SPTBN4: variants seen among roughly 807,000 people sequenced by gnomAD.
The protein encoded by SPTBN4 is spectrin beta, non-erythrocytic 4, also known as spectrin beta chain, non-erythrocytic 4.
Under a neutral mutation model 277.8 loss-of-function variants are expected in SPTBN4, and 96 were observed. The observed-to-expected ratio is 0.35, with a 90% confidence interval of 0.29 to 0.41. SPTBN4 has a LOEUF of 0.41. SPTBN4 is among the 10% of genes least tolerant of loss of function. SPTBN4 has a pLI of 1.00. For missense variants in SPTBN4, 3,006 were observed against 3,595.7 expected (o/e 0.84, Z 4.19); for synonymous variants, 1,481 against 1,580.3 (o/e 0.94, Z 1.49).
chr19:40,507,634 C>T (rs947772473), intron 13 of SPTBN4, among the ~76,000 whole-genome samples: 5 of 152,152 alleles, frequency 3.3e-5, no homozygotes, highest in African/African-American at 1.2e-4. Flanking sequence ...CACTTGAGGT[C>T]AGGCTTTGGC....
At chr19:40,498,086 A>C (rs2445884) in intron 7 of SPTBN4, among the ~76,000 whole-genome samples, 109,009 of 151,238 alleles carry the variant, frequency 0.72, 41,219 homozygotes, top group African/African-American at 0.92. Context: ...CCATTTCCAA[A>C]CTCATTTCGC....
Position 40,519,274 on chromosome 19 carries a change from G to A in SPTBN4, c.2904-127G>A. ...GTTCCATTTTACACCGGCAGAAACTGGAGAAACTTTCTGAGGTCACACAGT... is the reference window on the plus strand; with the variant it reads ...GTTCCATTTTACACCGGCAGAAACTAGAGAAACTTTCTGAGGTCACACAGT... On this transcript the variant is annotated intron_variant, in intron 15 of 35. Transcript: ENST00000598249. The surrounding 1 kb of genome is among the most constrained non-coding windows in gnomAD (Gnocchi z 5.7). 1.0e-6 allele frequency: 1 copy of A among 980,756 alleles called. No homozygotes were observed. Among genetic ancestry groups the A allele is most frequent in the Non-Finnish European group, 1.4e-6 (1 of 729,516 alleles). 60.8% of individuals were successfully genotyped at this position (980,756 alleles called of 1,614,324 possible).
intron 26 of SPTBN4, among the ~76,000 whole-genome samples, chr19:40,557,746 C>T (rs895036512): frequency 2.6e-5 from 4 of 151,900 alleles, no homozygotes; most frequent in Non-Finnish European, 5.9e-5. Context: ...GGTGAAACCC[C>T]ATCTCTACTA....
chr19:40,559,219 C>T (rs963438855), intron 26 of SPTBN4, among the ~76,000 whole-genome samples: 47 of 152,166 alleles, frequency 3.1e-4, no homozygotes, highest in East Asian at 3.9e-4. Context: ...CATGAGCCAC[C>T]GCGCCCAGCC....
At chr19:40,572,463 G>T (rs2081164247) in intron 35 of SPTBN4, 83 bp downstream of exon 35, 3 of 1,530,014 alleles carry the variant, frequency 2.0e-6, no homozygotes, top group East Asian at 2.3e-5. Context: ...TGATGGGGCT[G>T]TGAGAAGGGA....
At chr19:40,524,074 G>C (rs1264855805) in intron 17 of SPTBN4, among the ~76,000 whole-genome samples, 1 of 152,180 alleles carries the variant, frequency 6.6e-6, no homozygotes, top group African/African-American at 2.4e-5. Flanking sequence ...TTAGCGGCAT[G>C]AGCCACTGCA....
intron 2 of SPTBN4, among the ~76,000 whole-genome samples, chr19:40,478,676 G>A (rs1055093922): frequency 4.6e-5 from 7 of 152,130 alleles, no homozygotes; most frequent in Admixed American, 2.6e-4. Flanking sequence ...CTCCCGAGTA[G>A]TTGGTATTAC....
chr19:40,519,387 T>C lies in SPTBN4; in HGVS notation c.2904-14T>C, dbSNP rs369605517. 7 of 1,534,772 alleles carry C rather than the reference T, an allele frequency of 4.6e-6. No individual in the cohort carries two copies. In the African/African-American group the frequency reaches 8.4e-5, roughly 18 times the overall value. ...TCCCTGTCCTCCTCAAGTCACTCTC[T>C]TTCCCCTGGGCAGGTGGAACCGCAT... On this transcript the variant is annotated splice_polypyrimidine_tract_variant and intron_variant, in intron 15 of 35. Coordinates refer to ENST00000598249, the MANE Select transcript of SPTBN4 (RefSeq NM_020971.3). The surrounding 1 kb of genome is among the most constrained non-coding windows in gnomAD (Gnocchi z 5.7).
rs2081108433 is a variant in SPTBN4 at position 40,567,666 on chromosome 19, G to C, written c.6340G>C (p.Glu2114Gln). The stretch of plus-strand genomic sequence containing the variant: ...ACCCTGGTCCCTCCATCCTCAGATC[G>C]AGAAAATCAAAGCGGAACAGAGCAA... Reference protein sequence around the residue: ...FSSLRRLTTIEKIKAEQSKQP... With the variant: ...FSSLRRLTTIQKIKAEQSKQP... Residue 2114 changes from glutamate (E) to glutamine (Q), a missense_variant, in exon 31 of 36, where the codon GAG becomes CAG. Physicochemically the swap from Glu to Gln is conservative, Grantham distance 29. Transcript: ENST00000598249. 2.7e-6 allele frequency: 4 copies of C among 1,505,224 alleles called. No individual in the cohort carries two copies. The highest frequency in any genetic ancestry group is 1.2e-5 in the South Asian group (1 of 80,540). 93.2% of individuals were successfully genotyped at this position (1,505,224 alleles called of 1,614,324 possible).
chr19:40,558,432 C>T (rs1599808423), intron 26 of SPTBN4, among the ~76,000 whole-genome samples: 1 of 151,390 alleles, frequency 6.6e-6, no homozygotes, highest in African/African-American at 2.4e-5. Context: ...TTGATGGGGG[C>T]GAATTTAATG....
At chr19:40,572,407 G>C (rs1216830438) in intron 35 of SPTBN4, 27 bp downstream of exon 35, 2 of 1,613,916 alleles carry the variant, frequency 1.2e-6, no homozygotes, top group African/African-American at 2.7e-5. Flanking sequence ...TCCTCCCTCT[G>C]TGTGGACCTC....
intron 18 of SPTBN4, among the ~76,000 whole-genome samples, chr19:40,531,355 A>G (rs1048486279): frequency 6.7e-6 from 1 of 149,618 alleles, no homozygotes; most frequent in African/African-American, 2.5e-5. Flanking sequence ...CCTGGGGAGC[A>G]CATGCTCAGG....
At chr19:40,556,996 A>AGCCC in intron 25 of SPTBN4, 27 bp from the exon 26 acceptor site, 3 of 1,363,564 alleles carry the variant, frequency 2.2e-6, no homozygotes, top group African/African-American at 1.6e-5. Flanking sequence ...ACTTTGCTGT[A>AGCCC]CCCCCCCCCC....
chr19:40,570,165 GA>G (rs1378052776), intron 32 of SPTBN4, among the ~76,000 whole-genome samples: 3 of 151,418 alleles, frequency 2.0e-5, no homozygotes, highest in African/African-American at 4.9e-5. Flanking sequence ...AGACAGTGGG[GA>G]CACGCCCTGC....
At chr19:40,491,116 G>A (rs559283164) in intron 4 of SPTBN4, among the ~76,000 whole-genome samples, 22 of 152,286 alleles carry the variant, frequency 1.4e-4, no homozygotes, top group Middle Eastern at 6.8e-3. Context: ...GTCAGTTGGT[G>A]GTGTTGAGAT....
chr19:40,573,929 G>A (rs1463908773), intron 35 of SPTBN4, among the ~76,000 whole-genome samples: 2 of 151,734 alleles, frequency 1.3e-5, no homozygotes, highest in African/African-American at 2.4e-5. Flanking sequence ...GTGAAACCCC[G>A]TCTCTACTAA....
In SPTBN4 at chr19:40,567,791, G is replaced by A. The variant is rs1305624617; in HGVS notation, c.6465G>A (p.Arg2155=). 8.6e-6 allele frequency: 13 copies of A among 1,514,190 alleles called. No individual in the cohort carries two copies. Among genetic ancestry groups the A allele is most frequent in the Non-Finnish European group, 1.2e-5 (13 of 1,129,942 alleles). The allele number at this position is 1,514,190 out of a possible 1,614,324, so 93.8% of individuals were successfully genotyped here. Residue 2155 remains arginine (R), a synonymous_variant, in exon 31 of 36, where the codon AGG becomes AGA. Transcript: ENST00000598249. ...TGCTGCGGCCAGGGGGCTATGAAAG[G>A]GGCTTGGAGCCCCTGGCCCGCCGAG... ...APLLRPGGYE[R]GLEPLARRAS...
rs776128401 is a variant in SPTBN4, at chr19:40,519,972, G to A, written c.3475G>A (p.Ala1159Thr). ...GGCGGCCAGCGAGGCGCTGCTGGCC[G>A]CCGACGGCGCAGAGCTGGGCCCGGG... ...IVAASEALLA[A>T]DGAELGPGLA... The change falls in exon 16 of 36, where the codon GCC (alanine) becomes ACC (threonine). Residue 1159 changes from alanine to threonine, a missense_variant. Physicochemically the swap from Ala to Thr is moderately conservative, Grantham distance 58. Coordinates refer to ENST00000598249, the MANE Select transcript of SPTBN4 (RefSeq NM_020971.3). This position sits in a 1 kb window ranked among gnomAD's most constrained non-coding sequence, Gnocchi z 5.7. 2.6e-6 allele frequency: 4 copies of A among 1,540,868 alleles called. No individual in the cohort carries two copies. Among genetic ancestry groups the A allele is most frequent in the Non-Finnish European group, 3.5e-6 (4 of 1,150,744 alleles).
intron 2 of SPTBN4, among the ~76,000 whole-genome samples, chr19:40,485,677 T>A (rs936666986): frequency 6.6e-6 from 1 of 151,588 alleles, no homozygotes; most frequent in African/African-American, 2.4e-5. Flanking sequence ...ATGGGCATGG[T>A]GGCATGTGCC....
Sources: allele counts gnomAD v4.1 joint callset (sites outside exome capture counted in the v4.1 genomes callset), GRCh38; gene constraint gnomAD v4.1.1; non-coding constraint Gnocchi (gnomAD v3.1); transcripts MANE v1.5; gene names NCBI Gene and HGNC (gene_info 2026-07-23, HGNC 2026-07-21).